TUBGCP6: variants seen among roughly 807,000 people sequenced by gnomAD.
TUBGCP6 encodes tubulin gamma complex component 6, also known as gamma-tubulin complex component 6.
A neutral mutation model predicts 175.8 loss-of-function variants in TUBGCP6; 161 were observed. The observed-to-expected ratio is 0.92, with a 90% confidence interval of 0.81 to 1.04. The LOEUF (loss-of-function observed/expected upper bound fraction) is 1.04, where lower values mean the gene tolerates loss of function less well. Ranked by LOEUF, TUBGCP6 falls within the 50% of genes least tolerant of loss-of-function variation. The probability of loss-of-function intolerance (pLI) is 0.00; values close to 1 mark genes in which losing one functional copy is unlikely to be tolerated. For missense variants in TUBGCP6, 2,572 were observed against 2,433.0 expected, an observed-to-expected ratio of 1.06 and a Z score of -1.20; for synonymous variants, 1,173 against 1,030.5, an observed-to-expected ratio of 1.14 and a Z score of -2.65.
At chr22:50,240,527 C>T (rs2064826928) in intron 1 of TUBGCP6, among the ~76,000 whole-genome samples, 160 bp from the exon 2 acceptor site, 1 of 152,214 alleles carries the variant, frequency 6.6e-6, no homozygotes, top group Non-Finnish European at 1.5e-5. Flanking sequence ...ACCAATGAGC[C>T]ATTTAAGGAA....
Position 50,221,465 on chromosome 22 carries a change from G to A in TUBGCP6, c.2894C>T (p.Pro965Leu), listed in dbSNP as rs768081474. ...TVLRPAVATS[P>L]APGPLQAAEC... Reference sequence around the variant, plus strand: ...TGCAGCCTGCAGGGGCCCTGGTGCAGGTGAGGTGGCCACAGCTGGCCTCAG... The same window carrying A: ...TGCAGCCTGCAGGGGCCCTGGTGCAAGTGAGGTGGCCACAGCTGGCCTCAG... Residue 965 changes from proline (P) to leucine (L), a missense_variant, in exon 16 of 25, where the codon CCT (proline) becomes CTT (leucine). Transcript: ENST00000248846. 2.3e-5 allele frequency: 36 copies of A among 1,593,244 alleles called. No homozygotes were observed. The South Asian group carries it at 3.5e-4, about 15-fold the overall frequency.
rs556561852 is a variant in TUBGCP6, at chr22:50,218,555, G to A, written c.4887C>T (p.Ser1629=). The change falls in exon 22 of 25, where the codon TCC becomes TCT. Residue 1629 remains serine, a synonymous_variant. Transcript: ENST00000248846. ...TCATGAGCTTCAGCTGCAGCAGGAA[G>A]GAGAAGACGCCGCTGTACTTGCTCA... The part of the protein sequence containing the change: ...GCVSKYSGVF[S]FLLQLKLMMW... 14 of 1,613,804 alleles carry A rather than the reference G, an allele frequency of 8.7e-6. No individual in the cohort carries two copies. In the South Asian group the frequency reaches 9.9e-5, roughly 11 times the overall value.
chr22:50,232,223 A>G (rs74846043), intron 3 of TUBGCP6, among the ~76,000 whole-genome samples: 4,065 of 151,076 alleles, frequency 0.027, 107 homozygotes, highest in East Asian at 0.13. Context: ...AAAATTAGCC[A>G]GCCGTAGTGA....
Position 50,220,419 on chromosome 22 carries a change from C to T in TUBGCP6, c.3940G>A (p.Val1314Met), listed in dbSNP as rs144848522. 1.2e-6 allele frequency: 2 copies of T among 1,607,156 alleles called. No individual in the cohort carries two copies. Among genetic ancestry groups the T allele is most frequent in the South Asian group, 2.2e-5 (2 of 89,908 alleles). The change falls in exon 16 of 25, where the codon GTG (valine) becomes ATG (methionine). Residue 1314 changes from valine to methionine, a missense_variant. By Grantham distance (21) the Val-to-Met change is conservative. Coordinates refer to ENST00000248846, the MANE Select transcript of TUBGCP6 (RefSeq NM_020461.4). The stretch of plus-strand genomic sequence containing the variant: ...GGCAGCCGTGGCCCACAGTCCAGCA[C>T]AGTGCTCTGTGCTCCCAGGCTGAGC... Reference protein sequence around the residue: ...SALSLGAQSTVLDCGPRLPVE... With the variant: ...SALSLGAQSTMLDCGPRLPVE...
In TUBGCP6 at chr22:50,218,226, G is replaced by C. The variant is rs377474891; in HGVS notation, c.5131C>G (p.Arg1711Gly). Residue 1711 changes from arginine to glycine, a missense_variant, in exon 23 of 25, where the codon CGT (arginine) becomes GGT (glycine). Coordinates refer to ENST00000248846, the MANE Select transcript of TUBGCP6 (RefSeq NM_020461.4). ...TTGTGCAGGTACTCTGCGTGCGCAC[G>C]CTGGATCTCCTCCAGGTCGCCCACG... ...ATVGDLEEIQ[R>G]AHAEYLHKAV... The C allele has an allele frequency of 2.5e-6, 4 of 1,612,618 alleles. No homozygotes were observed. The South Asian group carries it at 4.4e-5, about 18-fold the overall frequency.
chr22:50,224,074 G>C (rs1337647669), intron 13 of TUBGCP6, 67 bp downstream of exon 13: 2 of 1,383,976 alleles, frequency 1.4e-6, no homozygotes, highest in Admixed American at 3.5e-5. Context: ...TCATCAGTAA[G>C]ATTAAGCCAG....
Position 50,219,750 on chromosome 22 carries a change from C to T in TUBGCP6, c.4209G>A (p.Glu1403=), listed in dbSNP as rs1488862611. 1 of 1,613,842 alleles carries T rather than the reference C, an allele frequency of 6.2e-7. No homozygotes were observed. Among genetic ancestry groups the T allele is most frequent in the Non-Finnish European group, 8.5e-7 (1 of 1,180,008 alleles). The change falls in exon 18 of 25, where the codon GAG becomes GAA. Residue 1403 remains glutamate (E), a synonymous_variant. Transcript: ENST00000248846. ...GAGCCTCCGCCGCCGATGCCTCCGC[C>T]TCCTCACCACGGCCTGGGCTGCTCT... is the stretch of plus-strand genomic sequence containing the variant. The part of the protein sequence containing the change: ...AAQSSPGRGE[E]AEASAAEAQG...
chr22:50,219,682 T>C lies in TUBGCP6; in HGVS notation c.4277A>G (p.Tyr1426Cys), dbSNP rs755951545. The C allele has an allele frequency of 1.9e-6, 3 of 1,613,754 alleles. No individual in the cohort carries two copies. Among genetic ancestry groups the C allele is most frequent in the South Asian group, 1.1e-5 (1 of 91,088 alleles). Residue 1426 changes from tyrosine to cysteine, a missense_variant, in exon 18 of 25, where the codon TAC becomes TGC. Transcript: ENST00000248846. ...QAYLAGLAGQ[Y>C]HLERYPDSYE... ...ACTGTCCGGGTACCGCTCCAAGTGG[T>C]ACTGCCCTGCCAGGCCTGCCAGGTA...
rs770052922 is a variant in TUBGCP6, at chr22:50,221,292, C to T, written c.3067G>A (p.Glu1023Lys). 6.2e-7 allele frequency: 1 copy of T among 1,613,922 alleles called. No homozygotes were observed. ...CCTGACACCTGCCCAAAGAGCCGCT[C>T]TGTGGGCTGGCTGCTCCCCTCCTCC... ...ALEEGSSQPT[E>K]RLFGQVSGGG... The change falls in exon 16 of 25, where the codon GAG becomes AAG. Residue 1023 changes from glutamate to lysine, a missense_variant. Transcript: ENST00000248846.
At position 50,220,466 on chromosome 22, in the gene TUBGCP6, G is replaced by C. The variant is rs556771929; in HGVS notation, c.3893C>G (p.Pro1298Arg). 2 of 1,612,798 alleles carry C rather than the reference G, an allele frequency of 1.2e-6. No individual in the cohort carries two copies. Among genetic ancestry groups the C allele is most frequent in the East Asian group, 4.5e-5 (2 of 44,862 alleles). Residue 1298 changes from proline to arginine, a missense_variant, in exon 16 of 25, where the codon CCT becomes CGT. Pro to Arg is a moderately radical substitution (Grantham distance 103). Coordinates refer to ENST00000248846, the MANE Select transcript of TUBGCP6 (RefSeq NM_020461.4). The stretch of plus-strand genomic sequence containing the variant: ...GAGCGCTGACTGGGACGTGTGGCCA[G>C]GGGGGCTCTGTTGGGGCCTGGGTGT... ...PNTPRPQQSPPGHTSQSALSL... is the reference protein window; with the variant it reads ...PNTPRPQQSPRGHTSQSALSL...
Position 50,226,701 on chromosome 22 carries a change from C to A in TUBGCP6, c.1601+32G>T, listed in dbSNP as rs376542328. On this transcript the variant is annotated intron_variant, in intron 7 of 24. Transcript: ENST00000248846. The stretch of plus-strand genomic sequence containing the variant: ...CAAGTGTCTGCCTGGTGGGAGTGCG[C>A]GCCCGCCGCGCCTGCCCAGCCCACT... 2.0e-6 allele frequency: 3 copies of A among 1,536,476 alleles called. No homozygotes were observed. The Admixed American group carries it at 5.9e-5, about 30-fold the overall frequency.
intron 1 of TUBGCP6, 112 bp from the exon 2 acceptor site, chr22:50,240,479 GT>G: frequency 7.5e-7 from 1 of 1,327,716 alleles, no homozygotes; most frequent in South Asian, 1.4e-5. Flanking sequence ...TGTTTCTTCT[GT>G]TTTTCTCAAG....
intron 3 of TUBGCP6, among the ~76,000 whole-genome samples, chr22:50,231,251 T>G (rs182125148): frequency 1.6e-5 from 2 of 125,762 alleles, no homozygotes; most frequent in Non-Finnish European, 3.6e-5. Context: ...GTCAGGAGTT[T>G]GAGACCAGCC....
intron 2 of TUBGCP6, among the ~76,000 whole-genome samples, chr22:50,234,529 A>C (rs1601601510): frequency 9.6e-6 from 1 of 103,832 alleles, no homozygotes; most frequent in Non-Finnish European, 1.9e-5. Context: ...ATCCACACCC[A>C]GTTCCACAGC....
Position 50,218,632 on chromosome 22 carries a change from C to T in TUBGCP6, c.4822-12G>A, listed in dbSNP as rs779186476. On this transcript the variant is annotated splice_polypyrimidine_tract_variant and intron_variant, in intron 21 of 24. Coordinates refer to ENST00000248846, the MANE Select transcript of TUBGCP6 (RefSeq NM_020461.4). ...AGAGGCCAGTCCACCTGCCAGGAGG[C>T]GTGGCTCAGCAGGCATCCCACAGGC... 9 of 1,613,606 alleles carry T rather than the reference C, an allele frequency of 5.6e-6. No individual in the cohort carries two copies. The highest frequency in any genetic ancestry group is 4.0e-5 in the African/African-American group (3 of 74,870).
chr22:50,232,777 G>A (rs918760603), intron 3 of TUBGCP6, among the ~76,000 whole-genome samples: 7 of 152,260 alleles, frequency 4.6e-5, no homozygotes, highest in African/African-American at 1.7e-4. Context: ...GACAAAGGAA[G>A]GGGATGAGCA....
chr22:50,234,469 CCCACACCCCCGTCCACAGCAGCAGCAT>C (rs1569122733), intron 2 of TUBGCP6, among the ~76,000 whole-genome samples: 2 of 85,032 alleles, frequency 2.4e-5, no homozygotes, highest in Admixed American at 1.4e-4. Context: ...AGCAGCATCG[CCCACACCCCCGTCCACAGCAGCAGCAT>C]CCACACCCCT....
In TUBGCP6 at chr22:50,244,498, C is replaced by A; in HGVS notation, c.-39G>T. On this transcript the variant is annotated 5_prime_UTR_variant, in exon 1 of 25. Coordinates refer to ENST00000248846, the MANE Select transcript of TUBGCP6 (RefSeq NM_020461.4). Reference sequence around the variant, plus strand: ...TCCGGGCCCCCGGCGTGTGGGAAAACACCTCACCCGGGCTTCACTCACGCT... The same window carrying A: ...TCCGGGCCCCCGGCGTGTGGGAAAAAACCTCACCCGGGCTTCACTCACGCT... The A allele has an allele frequency of 1.3e-6, 2 of 1,568,234 alleles. No individual in the cohort carries two copies. The highest frequency in any genetic ancestry group is 1.7e-6 in the Non-Finnish European group (2 of 1,159,466).
chr22:50,221,662 G>A lies in TUBGCP6; in HGVS notation c.2697C>T (p.Phe899=). The A allele has an allele frequency of 6.6e-7, 1 of 1,521,680 alleles. No homozygotes were observed. The highest frequency in any genetic ancestry group is 8.8e-7 in the Non-Finnish European group (1 of 1,135,924). 94.3% of individuals were successfully genotyped at this position (1,521,680 alleles called of 1,614,324 possible). The change falls in exon 16 of 25, where the codon TTC becomes TTT. Residue 899 remains phenylalanine (F), a synonymous_variant. Transcript: ENST00000248846. ...GCTCAGCCCCTGGGCCCACAGGTAG[G>A]AAGTCTCCAATGCTGAGGCTGTCAG... ...PFSDSLSIGD[F]LPVGPGAEPS... is the part of the protein sequence containing the mutation.
Sources: gnomAD v4.1 joint callset for allele counts (sites outside exome capture counted in the v4.1 genomes callset) on GRCh38, gnomAD v4.1.1 for gene constraint, MANE v1.5 for transcripts, NCBI Gene and HGNC (gene_info 2026-07-23, HGNC 2026-07-21) for gene names.